Variants in MYRF observed in about 807,000 individuals in gnomAD.
The protein encoded by MYRF is myelin gene regulatory factor.
In MYRF, 16 loss-of-function variants were observed where a neutral mutation model predicts 126.3. That is an observed-to-expected ratio of 0.13 (90% CI 0.09 to 0.19). MYRF has a LOEUF of 0.19. Ranked by LOEUF, MYRF falls within the 10% of genes least tolerant of loss-of-function variation. The pLI is 1.00. For missense variants in MYRF, 1,104 were observed against 1,547.0 expected (o/e 0.71, Z 4.80); for synonymous variants, 608 against 635.3 (o/e 0.96, Z 0.65).
Position 61,765,611 on chromosome 11 carries a change from C to T in MYRF, c.47-14C>T. On this transcript the variant is annotated splice_polypyrimidine_tract_variant and intron_variant, in intron 1 of 26. Transcript: ENST00000278836. The stretch of plus-strand genomic sequence containing the variant: ...GCTGGGCCTCTTCCCTAGCCCATCT[C>T]TCCTGCCCTGCAGGCCACGACATCA... 4 of 1,608,336 alleles carry T rather than the reference C, an allele frequency of 2.5e-6. No individual in the cohort carries two copies. Among genetic ancestry groups the T allele is most frequent in the Non-Finnish European group, 3.4e-6 (4 of 1,177,342 alleles).
Position 61,759,503 on chromosome 11 carries a change from C to G in MYRF, c.47-6122C>G, listed in dbSNP as rs142438151. Among the ~76,000 whole-genome samples, 177 of 152,234 alleles carry G rather than the reference C, an allele frequency of 1.2e-3. 1 individual carries two copies. Among genetic ancestry groups the G allele is most frequent in the African/African-American group, 4.1e-3 (171 of 41,554 alleles). On this transcript the variant is annotated intron_variant, in intron 1 of 26. Coordinates refer to ENST00000278836, the MANE Select transcript of MYRF (RefSeq NM_001127392.3). ...TGGCCAACATAGTGAAATCCCGTCT[C>G]TACAAAAAATACAACAATTAGCCAG...
rs528171221 is a variant in MYRF, at chr11:61,781,043, T to G, written c.2570T>G (p.Leu857Arg). Residue 857 changes from leucine (L) to arginine (R), a missense_variant and splice_region_variant, in exon 20 of 27, where the codon CTG (leucine) becomes CGG (arginine). Physicochemically the swap from Leu to Arg is moderately radical, Grantham distance 102 (BLOSUM62 -2). Around this residue, in one of 10 missense-constraint regions of MYRF, gnomAD observed 323 missense variants for 383.1 expected, o/e 0.84. Transcript: ENST00000278836. ...GLPGIQPSLL[L>R]VTTSLTSSAP... Reference sequence around the variant, plus strand: ...CCAGGCATACAGCCCTCTTTGCTGCTGGGTGCGTGTCTGGGCAGGTCTGGG... The same window carrying G: ...CCAGGCATACAGCCCTCTTTGCTGCGGGGTGCGTGTCTGGGCAGGTCTGGG... 1 of 1,609,990 alleles carries G rather than the reference T, an allele frequency of 6.2e-7. No individual in the cohort carries two copies. The highest frequency in any genetic ancestry group is 2.2e-5 in the East Asian group (1 of 44,880).
At chr11:61,765,848 C>T in intron 2 of MYRF, 110 bp from the exon 3 acceptor site, 1 of 1,434,942 alleles carries the variant, frequency 7.0e-7, no homozygotes, top group Non-Finnish European at 9.3e-7. Context: ...CGTCCCTTCC[C>T]AGCCACTGAC....
chr11:61,763,980 G>C (rs1297005746), intron 1 of MYRF, among the ~76,000 whole-genome samples: 1 of 152,250 alleles, frequency 6.6e-6, no homozygotes, highest in Non-Finnish European at 1.5e-5. Flanking sequence ...CAGCAGGGTG[G>C]GGCTTGAGCA....
intron 1 of MYRF, among the ~76,000 whole-genome samples, chr11:61,760,112 G>A (rs528359416): frequency 6.6e-6 from 1 of 152,168 alleles, no homozygotes; most frequent in African/African-American, 2.4e-5. Context: ...GGGATTACAG[G>A]CACGTGCCAC....
Position 61,783,717 on chromosome 11 carries a change from G to T in MYRF, c.3119+117G>T. ...GGAGCCTCCCCCATAAGGAAGGGTA[G>T]CCCCTTTCCAGGCTACCCTTGGACA... On this transcript the variant is annotated intron_variant, in intron 23 of 26. Transcript: ENST00000278836. This position sits in a 1 kb window ranked among gnomAD's most constrained non-coding sequence, Gnocchi z 4.6. 7.4e-7 allele frequency: 1 copy of T among 1,350,296 alleles called. No individual in the cohort carries two copies. Among genetic ancestry groups the T allele is most frequent in the Non-Finnish European group, 1.0e-6 (1 of 961,060 alleles). The allele number at this position is 1,350,296 out of a possible 1,614,324, so 83.6% of individuals were successfully genotyped here.
At position 61,786,622 on chromosome 11, in the gene MYRF, A is replaced by C. The variant is rs532564151; in HGVS notation, c.*479A>C. On this transcript the variant is annotated 3_prime_UTR_variant, in exon 27 of 27. Coordinates refer to ENST00000278836, the MANE Select transcript of MYRF (RefSeq NM_001127392.3). The surrounding 1 kb of genome is among the most constrained non-coding windows in gnomAD (Gnocchi z 4.5). Reference sequence around the variant, plus strand: ...GACTTGGGTGGACCCCCATGAGTCAATGGAGGGCAGACGGCTCTCCCCCTT... The same window carrying C: ...GACTTGGGTGGACCCCCATGAGTCACTGGAGGGCAGACGGCTCTCCCCCTT... The C allele has an allele frequency of 2.6e-4, 43 of 167,886 alleles. No individual in the cohort carries two copies. The highest frequency in any genetic ancestry group is 9.8e-4 in the African/African-American group (41 of 41,944). The allele number at this position is 167,886 out of a possible 1,614,324, so 10.4% of individuals were successfully genotyped here. A position where few individuals can be genotyped will look rare whatever the true frequency, so the allele number is the denominator to read the frequency against.
rs1324785734 is a variant in MYRF at position 61,781,341 on chromosome 11, T to C, written c.2764+12T>C. Reference sequence around the variant, plus strand: ...CACCAACCGCTCAGGTAAGGCTTTCTGTGGGCTGGGGCTTGGGGCGGGGGC... The same window carrying C: ...CACCAACCGCTCAGGTAAGGCTTTCCGTGGGCTGGGGCTTGGGGCGGGGGC... On this transcript the variant is annotated intron_variant, in intron 21 of 26. Coordinates refer to ENST00000278836, the MANE Select transcript of MYRF (RefSeq NM_001127392.3). 4 of 1,612,684 alleles carry C rather than the reference T, an allele frequency of 2.5e-6. No individual in the cohort carries two copies. The highest frequency in any genetic ancestry group is 3.4e-6 in the Non-Finnish European group (4 of 1,179,066).
Position 61,770,288 on chromosome 11 carries a change from A to G in MYRF, c.503A>G (p.His168Arg), listed in dbSNP as rs147279959. The change falls in exon 5 of 27, where the codon CAC becomes CGC. Residue 168 changes from histidine (H) to arginine (R), a missense_variant. Around this residue, in one of 10 missense-constraint regions of MYRF, gnomAD observed 368 missense variants for 403.9 expected, o/e 0.91. Coordinates refer to ENST00000278836, the MANE Select transcript of MYRF (RefSeq NM_001127392.3). ...LRTITPETLC[H>R]VGVPSRLEHP... ...ACGATAACCCCTGAGACACTGTGCC[A>G]CGTGGGAGTGCCCTCCCGCCTGGAG... 55 of 1,607,844 alleles carry G rather than the reference A, an allele frequency of 3.4e-5. No homozygotes were observed. The highest frequency in any genetic ancestry group is 4.5e-5 in the Non-Finnish European group (53 of 1,178,668).
intron 22 of MYRF, 143 bp downstream of exon 22, chr11:61,781,967 A>G: frequency 9.6e-7 from 1 of 1,043,542 alleles, no homozygotes. Context: ...AGGATCAGGA[A>G]TCAGGCCTGC....
chr11:61,766,339 T>G, intron 3 of MYRF, 118 bp downstream of exon 3: 1 of 1,117,694 alleles, frequency 8.9e-7, no homozygotes, highest in Non-Finnish European at 1.2e-6. Context: ...GCTGGGTGAC[T>G]GGCTGTGCGT....
Position 61,781,764 on chromosome 11 carries a change from C to G in MYRF, c.2956C>G (p.Arg986Gly). 2 of 1,610,874 alleles carry G rather than the reference C, an allele frequency of 1.2e-6. No homozygotes were observed. The highest frequency in any genetic ancestry group is 2.2e-5 in the East Asian group (1 of 44,826). ...PSLGFHGRAR[R>G]GALQSSVGPA... ...CCTTGGTTTCCATGGCCGGGCCCGC[C>G]GAGGGGCCCTCCAGTCCAGCGTGGG... The change falls in exon 22 of 27, where the codon CGA (arginine) becomes GGA (glycine). Residue 986 changes from arginine (R) to glycine (G), a missense_variant. Transcript: ENST00000278836.
At position 61,764,307 on chromosome 11, in the gene MYRF, G is replaced by A. The variant is rs898843884; in HGVS notation, c.47-1318G>A. Among the ~76,000 whole-genome samples, 38 of 152,360 alleles carry A rather than the reference G, an allele frequency of 2.5e-4. 1 individual carries two copies. Among genetic ancestry groups the A allele is most frequent in the African/African-American group, 8.9e-4 (37 of 41,588 alleles). On this transcript the variant is annotated intron_variant, in intron 1 of 26. Coordinates refer to ENST00000278836, the MANE Select transcript of MYRF (RefSeq NM_001127392.3). Reference sequence around the variant, plus strand: ...CCAGGGCTCTGGGGCTGGGAAGTGAGGACGGCTGTTCCGACCGATGAGCAC... The same window carrying A: ...CCAGGGCTCTGGGGCTGGGAAGTGAAGACGGCTGTTCCGACCGATGAGCAC...
rs1023034060 is a variant in MYRF, at chr11:61,766,186, C to A, written c.363C>A (p.Pro121=). The A allele has an allele frequency of 1.2e-6, 2 of 1,610,798 alleles. No individual in the cohort carries two copies. Among genetic ancestry groups the A allele is most frequent in the African/African-American group, 1.3e-5 (1 of 74,830 alleles). ...CCTTCCCGGGGGGCACCGGGCCCCC[C>A]ATCAAGGCTGAGCCCAAGGCTCCCT... ...PKPFPGGTGP[P]IKAEPKAPYA... The change falls in exon 3 of 27, where the codon CCC becomes CCA. Residue 121 remains proline (P), a synonymous_variant. Transcript: ENST00000278836.
Position 61,771,931 on chromosome 11 carries a change from A to G in MYRF, c.1094A>G (p.Tyr365Cys). The G allele has an allele frequency of 6.2e-7, 1 of 1,614,076 alleles. No homozygotes were observed. Among genetic ancestry groups the G allele is most frequent in the Non-Finnish European group, 8.5e-7 (1 of 1,179,978 alleles). ...PHQQNKWATL[Y>C]DANYKELPML... is the part of the protein sequence containing the mutation. Reference sequence around the variant, plus strand: ...CAGCAGAACAAGTGGGCGACCCTGTACGATGCTAACTACAAGGAGCTGTGA... The same window carrying G: ...CAGCAGAACAAGTGGGCGACCCTGTGCGATGCTAACTACAAGGAGCTGTGA... The change falls in exon 7 of 27, where the codon TAC becomes TGC. Residue 365 changes from tyrosine (Y) to cysteine (C), a missense_variant. By Grantham distance (194) the Tyr-to-Cys change is radical. This residue lies in a region of MYRF where 87 missense variants were observed against 129.2 expected (regional missense o/e 0.67). Coordinates refer to ENST00000278836, the MANE Select transcript of MYRF (RefSeq NM_001127392.3).
In MYRF at chr11:61,787,408, T is replaced by C. The variant is rs1202107141; in HGVS notation, c.*1265T>C. ...TCATGGAAGGAGTGTAGTATTCATT[T>C]AGCCATGTCTGCCATGGGTCCAGAA... On this transcript the variant is annotated 3_prime_UTR_variant, in exon 27 of 27. Transcript: ENST00000278836. 1 of 152,506 alleles carries C rather than the reference T, an allele frequency of 6.6e-6. No homozygotes were observed. Among genetic ancestry groups the C allele is most frequent in the Non-Finnish European group, 1.5e-5 (1 of 68,038 alleles). The allele number at this position is 152,506 out of a possible 1,614,324, so 9.4% of individuals were successfully genotyped here. A position where few individuals can be genotyped will look rare whatever the true frequency, so the allele number is the denominator to read the frequency against.
Position 61,783,361 on chromosome 11 carries a change from C to A in MYRF, c.3017-137C>A. The stretch of plus-strand genomic sequence containing the variant: ...GGAAAGGGTGTAGTGTGATGCTGGC[C>A]ATTGTGGAGGTCTGGAAAAAAATAA... On this transcript the variant is annotated intron_variant, in intron 22 of 26. Transcript: ENST00000278836. This position sits in a 1 kb window ranked among gnomAD's most constrained non-coding sequence, Gnocchi z 4.6. 1.4e-6 allele frequency: 1 copy of A among 699,404 alleles called. No homozygotes were observed. Among genetic ancestry groups the A allele is most frequent in the East Asian group, 2.5e-5 (1 of 39,576 alleles). 43.3% of individuals were successfully genotyped at this position (699,404 alleles called of 1,614,324 possible). A position where few individuals can be genotyped will look rare whatever the true frequency, so the allele number is the denominator to read the frequency against.
intron 24 of MYRF, 133 bp downstream of exon 24, chr11:61,784,058 C>A: frequency 8.7e-7 from 1 of 1,150,600 alleles, no homozygotes; most frequent in Non-Finnish European, 1.3e-6. Context: ...TAAGTGCTGA[C>A]TTCATTGCCT....
chr11:61,761,093 C>T (rs938268996), intron 1 of MYRF, among the ~76,000 whole-genome samples: 1 of 152,028 alleles, frequency 6.6e-6, no homozygotes, highest in South Asian at 2.1e-4. Context: ...CCCACAGCCA[C>T]GTGGCTGACG....
Sources: allele counts gnomAD v4.1 joint callset (sites outside exome capture counted in the v4.1 genomes callset), GRCh38; gene constraint gnomAD v4.1.1; regional missense constraint gnomAD v4.1.1; non-coding constraint Gnocchi (gnomAD v3.1); transcripts MANE v1.5; gene names NCBI Gene and HGNC (gene_info 2026-07-23, HGNC 2026-07-21).